The following CCDC88C variants were observed in gnomAD, a reference collection of about 807,000 sequenced individuals.
CCDC88C encodes the protein coiled-coil and HOOK domain protein 88C.
A neutral mutation model predicts 198.8 loss-of-function variants in CCDC88C; 131 were observed. The observed-to-expected ratio is 0.66, with a 90% confidence interval of 0.57 to 0.76. CCDC88C has a LOEUF of 0.76. Among genes scored for constraint, CCDC88C ranks in the 30% least tolerant of loss-of-function variants. CCDC88C has a pLI of 0.00. For synonymous variants in CCDC88C, 1,166 were observed against 1,114.7 expected, an observed-to-expected ratio of 1.05 and a Z score of -0.92; for missense variants, 2,553 against 2,631.6, an observed-to-expected ratio of 0.97 and a Z score of 0.65.
chr14:91,312,288 T>C (rs1367885008), intron 15 of CCDC88C, among the ~76,000 whole-genome samples: 2 of 152,154 alleles, frequency 1.3e-5, no homozygotes, highest in South Asian at 2.1e-4. Context: ...CTTAGGAGGC[T>C]GAGGCAGGAG....
Position 91,338,476 on chromosome 14 carries a change from G to T in CCDC88C, c.891+13C>A. 2 of 1,556,580 alleles carry T rather than the reference G, an allele frequency of 1.3e-6. No homozygotes were observed. On this transcript the variant is annotated intron_variant, in intron 9 of 29. Transcript: ENST00000389857. The surrounding 1 kb of genome is among the most constrained non-coding windows in gnomAD (Gnocchi z 4.8). ...CTACCCCCAGGACACACAGGCTCAG[G>T]CCCCCGACTCACCTCCTGCTTAACT...
intron 19 of CCDC88C, among the ~76,000 whole-genome samples, chr14:91,304,966 G>T (rs971788112): frequency 6.6e-6 from 1 of 152,194 alleles, no homozygotes; most frequent in Non-Finnish European, 1.5e-5. Flanking sequence ...TAAAAAGCCA[G>T]GTGTGGTGGC....
At chr14:91,404,969 A>C (rs1451925012) in intron 3 of CCDC88C, among the ~76,000 whole-genome samples, 1 of 151,526 alleles carries the variant, frequency 6.6e-6, no homozygotes, top group African/African-American at 2.4e-5. Flanking sequence ...CATCTCAAAA[A>C]AAAAAAAAAG....
intron 3 of CCDC88C, among the ~76,000 whole-genome samples, chr14:91,362,925 T>G (rs1341176384): frequency 6.8e-6 from 1 of 147,408 alleles, no homozygotes; most frequent in Non-Finnish European, 1.5e-5. Flanking sequence ...CGAGACTCCA[T>G]CTCAGGAAAA....
At chr14:91,351,576 G>A (rs937597989) in intron 4 of CCDC88C, among the ~76,000 whole-genome samples, 4 of 152,168 alleles carry the variant, frequency 2.6e-5, no homozygotes, top group Admixed American at 2.0e-4. Flanking sequence ...CTCTACGCAC[G>A]GGCTCACATT....
Position 91,309,975 on chromosome 14 carries a change from G to T in CCDC88C, c.2748C>A (p.Leu916=). ...TLTTLREDLV[L]EKLKSQQLSS... is the part of the protein sequence containing the mutation. The stretch of plus-strand genomic sequence containing the variant: ...TGAGCTGCTGGCTCTTCAGCTTCTC[G>T]AGCACCAGGTCCTGGAATGATGGGG... Residue 916 remains leucine (L), a synonymous_variant, in exon 16 of 30, where the codon CTC becomes CTA. Transcript: ENST00000389857. The T allele has an allele frequency of 6.3e-7, 1 of 1,598,176 alleles. No individual in the cohort carries two copies. Among genetic ancestry groups the T allele is most frequent in the Non-Finnish European group, 8.5e-7 (1 of 1,172,682 alleles).
Position 91,408,716 on chromosome 14 carries a change from C to G in CCDC88C, c.213G>C (p.Val71=). ...TGGTCAAATTCTGAATGCGAAGGTT[C>G]ACATCATTGTTGACGTGCTTATTGA... The part of the protein sequence containing the change: ...QRINKHVNND[V]NLRIQNLTIL... The change falls in exon 3 of 30, where the codon GTG becomes GTC. Residue 71 remains valine (V), a synonymous_variant. Coordinates refer to ENST00000389857, the MANE Select transcript of CCDC88C (RefSeq NM_001080414.4). 6.2e-7 allele frequency: 1 copy of G among 1,613,896 alleles called. No homozygotes were observed. Among genetic ancestry groups the G allele is most frequent in the Non-Finnish European group, 8.5e-7 (1 of 1,179,806 alleles).
chr14:91,345,965 T>C (rs1264943372), intron 4 of CCDC88C, among the ~76,000 whole-genome samples: 2 of 152,152 alleles, frequency 1.3e-5, no homozygotes, highest in African/African-American at 4.8e-5. Flanking sequence ...TTTTTCGTTA[T>C]ATCCTATTGT....
chr14:91,293,545 TTCCTGTCC>T (rs1567055832), intron 23 of CCDC88C, among the ~76,000 whole-genome samples: 835 of 23,740 alleles, frequency 0.035, 185 homozygotes, highest in Admixed American at 0.056. Flanking sequence ...ACGGCCCACC[TTCCTGTCC>T]CCTCGCCTGC....
intron 1 of CCDC88C, chr14:91,417,267 G>C (rs1433639442): frequency 2.9e-6 from 2 of 692,876 alleles, no homozygotes; most frequent in Non-Finnish European, 5.3e-6. Flanking sequence ...TATTTGGTTG[G>C]GAAGAATGGG....
At chr14:91,324,593 C>G (rs576365525) in intron 12 of CCDC88C, among the ~76,000 whole-genome samples, 186 bp downstream of exon 12, 18 of 152,358 alleles carry the variant, frequency 1.2e-4, no homozygotes, top group South Asian at 8.3e-4. Context: ...TCAAGGCTGC[C>G]AGACCCCTCG....
intron 3 of CCDC88C, among the ~76,000 whole-genome samples, chr14:91,388,632 C>T (rs945947262): frequency 6.6e-6 from 1 of 152,208 alleles, no homozygotes; most frequent in Non-Finnish European, 1.5e-5. Context: ...AAACAAGAAA[C>T]ACACACAGCG....
At chr14:91,274,980 G>GC (rs1380475618) in intron 29 of CCDC88C, among the ~76,000 whole-genome samples, 1 of 152,126 alleles carries the variant, frequency 6.6e-6, no homozygotes, top group East Asian at 1.9e-4. Flanking sequence ...CACGCAGGGA[G>GC]CCCCATCTTG....
intron 25 of CCDC88C, chr14:91,285,401 C>T (rs148255937): frequency 6.6e-5 from 30 of 455,620 alleles, no homozygotes; most frequent in Admixed American, 5.9e-4. Context: ...TTACTTAGTA[C>T]GGACATCCTG....
chr14:91,379,967 G>C (rs1183611137), intron 3 of CCDC88C: 6 of 697,856 alleles, frequency 8.6e-6, no homozygotes, highest in African/African-American at 1.8e-5. Context: ...ATATCGAAAG[G>C]GGTAAAACTG....
chr14:91,324,680 G>T, intron 12 of CCDC88C, 99 bp downstream of exon 12: 1 of 1,394,666 alleles, frequency 7.2e-7, no homozygotes. Context: ...TGGGATGAAT[G>T]GATGGGCTAA....
chr14:91,360,691 G>C (rs1894269585), intron 3 of CCDC88C, among the ~76,000 whole-genome samples: 1 of 152,212 alleles, frequency 6.6e-6, no homozygotes. Flanking sequence ...TGGAGAGAAG[G>C]CCCAGGCATC....
chr14:91,374,437 A>C (rs949228874), intron 3 of CCDC88C, among the ~76,000 whole-genome samples: 2 of 152,230 alleles, frequency 1.3e-5, no homozygotes, highest in African/African-American at 2.4e-5. Context: ...GTGTGTTAAG[A>C]AGCAAAATAA....
At chr14:91,382,726 G>T (rs1445295772) in intron 3 of CCDC88C, among the ~76,000 whole-genome samples, 1 of 152,126 alleles carries the variant, frequency 6.6e-6, no homozygotes, top group Non-Finnish European at 1.5e-5. Context: ...AAATTCAAGG[G>T]ACGACCTTGT....
Sources: gnomAD v4.1 joint callset for allele counts (sites outside exome capture counted in the v4.1 genomes callset) on GRCh38, gnomAD v4.1.1 for gene constraint, Gnocchi (gnomAD v3.1) non-coding constraint, MANE v1.5 for transcripts, NCBI Gene and HGNC (gene_info 2026-07-23, HGNC 2026-07-21) for gene names.